KIF12: variants seen among roughly 807,000 people sequenced by gnomAD.
The protein encoded by KIF12 is kinesin family member 12.
A neutral mutation model predicts 87.9 loss-of-function variants in KIF12; 80 were observed. That is an observed-to-expected ratio of 0.91 (90% CI 0.76 to 1.10). The LOEUF (loss-of-function observed/expected upper bound fraction) is 1.10. Ranked by LOEUF, KIF12 falls within the 50% of genes least tolerant of loss-of-function variation. The probability of loss-of-function intolerance (pLI) is 0.00; values close to 1 mark genes in which losing one functional copy is unlikely to be tolerated. For synonymous variants in KIF12, 353 were observed against 348.5 expected (o/e 1.01, Z -0.14); for missense variants, 819 against 865.3 (o/e 0.95, Z 0.67).
intron 14 of KIF12, among the ~76,000 whole-genome samples, 186 bp from the exon 15 acceptor site, chr9:114,093,683 A>C (rs111287360): frequency 0.011 from 1,658 of 152,278 alleles, 30 homozygotes; most frequent in African/African-American, 0.037. Flanking sequence ...ACGACGATGA[A>C]CCCCATCTTA....
rs758168815 is a variant in KIF12 at position 114,095,068 on chromosome 9, A to G, written c.1074T>C (p.Tyr358=). 9.3e-6 allele frequency: 15 copies of G among 1,610,036 alleles called. No individual in the cohort carries two copies. The highest frequency in any genetic ancestry group is 1.2e-5 in the Non-Finnish European group (14 of 1,178,096). The change falls in exon 11 of 19, where the codon TAT becomes TAC. Residue 358 remains tyrosine (Y), a synonymous_variant. Coordinates refer to ENST00000640217, the MANE Select transcript of KIF12 (RefSeq NM_001388308.1). Reference sequence around the variant, plus strand: ...TGGTGACCCGCTGAGCTCGGCTTGCATATCGCAGGGTGCTGAGAGTCTCAG... The same window carrying G: ...TGGTGACCCGCTGAGCTCGGCTTGCGTATCGCAGGGTGCTGAGAGTCTCAG... ...CLPETLSTLR[Y]ASRAQRVTTR...
rs757349225 is a variant in KIF12 at position 114,098,926 on chromosome 9, G to T, written c.171+9C>A. 1.9e-6 allele frequency: 3 copies of T among 1,546,392 alleles called. No individual in the cohort carries two copies. The African/African-American group carries it at 4.1e-5, about 21-fold the overall frequency. On this transcript the variant is annotated intron_variant, in intron 3 of 18. Coordinates refer to ENST00000640217, the MANE Select transcript of KIF12 (RefSeq NM_001388308.1). ...TTTTATTGGGGAGATAGAGAGAGGGGTTCCTCACCTGCAGAGTCCGGGTCC... is the reference window on the plus strand; with the variant it reads ...TTTTATTGGGGAGATAGAGAGAGGGTTTCCTCACCTGCAGAGTCCGGGTCC...
rs556011745 is a variant in KIF12 at position 114,096,030 on chromosome 9, C to T, written c.895+21G>A. On this transcript the variant is annotated intron_variant, in intron 9 of 18. Transcript: ENST00000640217. ...CACAGAGGAGAGACAGGAAATCACA[C>T]CGGTGGCCCCCAGGTCTCACCCAGG... The T allele has an allele frequency of 1.9e-5, 30 of 1,594,522 alleles. No individual in the cohort carries two copies. In the South Asian group the frequency reaches 3.3e-4, roughly 18 times the overall value.
chr9:114,099,035 G>C (rs1438887376), intron 2 of KIF12, 22 bp from the exon 3 acceptor site: 1 of 1,550,392 alleles, frequency 6.4e-7, no homozygotes. Flanking sequence ...CAGAAGGGCA[G>C]ATGGTACATC....
intron 9 of KIF12, among the ~76,000 whole-genome samples, chr9:114,095,748 C>T (rs1465748305): frequency 2.0e-5 from 3 of 152,154 alleles, no homozygotes; most frequent in African/African-American, 7.2e-5. Context: ...TCAGTCTTCC[C>T]AACTGCACAA....
chr9:114,096,449 T>C lies in KIF12; in HGVS notation c.676A>G (p.Thr226Ala). 1 of 1,612,190 alleles carries C rather than the reference T, an allele frequency of 6.2e-7. No homozygotes were observed. The highest frequency in any genetic ancestry group is 8.5e-7 in the Non-Finnish European group (1 of 1,179,354). The change falls in exon 8 of 19, where the codon ACC becomes GCC. Residue 226 changes from threonine to alanine, a missense_variant. Transcript: ENST00000640217. ...CTTCGGCTGGAGGCCTGGTTCAGGG[T>C]GTGGGCTGAGTTCCTTCGACGGCTG... ...GLSRRRNSAH[T>A]LNQASSRSHA...
At position 114,093,920 on chromosome 9, in the gene KIF12, G is replaced by A. The variant is rs774477975; in HGVS notation, c.1366C>T (p.Arg456Cys). 1.1e-5 allele frequency: 18 copies of A among 1,613,972 alleles called. No homozygotes were observed. The highest frequency in any genetic ancestry group is 5.3e-5 in the African/African-American group (4 of 74,906). ...GCATGGACCTGCTGGGCCAGGATGC[G>A]CTGCTCATTCTGGGCCAGGTCTCGG... ...NSRDLAQNEQRILAQQVHALE... is the reference protein window; with the variant it reads ...NSRDLAQNEQCILAQQVHALE... Residue 456 changes from arginine to cysteine, a missense_variant, in exon 14 of 19, where the codon CGC (arginine) becomes TGC (cysteine). By Grantham distance (180) the Arg-to-Cys change is radical. Coordinates refer to ENST00000640217, the MANE Select transcript of KIF12 (RefSeq NM_001388308.1).
In KIF12 at chr9:114,099,152, A is replaced by G. The variant is rs986640241; in HGVS notation, c.44T>C (p.Leu15Pro). 9 of 1,550,598 alleles carry G rather than the reference A, an allele frequency of 5.8e-6. No individual in the cohort carries two copies. Among genetic ancestry groups the G allele is most frequent in the Non-Finnish European group, 7.8e-6 (9 of 1,147,006 alleles). Residue 15 changes from leucine to proline, a missense_variant, in exon 2 of 19, where the codon CTG becomes CCG. Coordinates refer to ENST00000640217, the MANE Select transcript of KIF12 (RefSeq NM_001388308.1). The part of the protein sequence containing the change: ...GSPDGDLARS[L>P]EQGPEGPETP... Reference sequence around the variant, plus strand: ...TTCCGGCCCCTCTGGCCCTTGCTCCAGGCTCCGCGCGAGATCCCTGTGGGC... The same window carrying G: ...TTCCGGCCCCTCTGGCCCTTGCTCCGGGCTCCGCGCGAGATCCCTGTGGGC...
chr9:114,093,901 A>C lies in KIF12; in HGVS notation c.1385T>G (p.Val462Gly), dbSNP rs970143054. The C allele has an allele frequency of 1.2e-6, 2 of 1,613,978 alleles. No individual in the cohort carries two copies. Among genetic ancestry groups the C allele is most frequent in the Non-Finnish European group, 1.7e-6 (2 of 1,179,956 alleles). The part of the protein sequence containing the change: ...QNEQRILAQQ[V>G]HALERRLLSA... ...CTCTGCTTACCTCTCTAGTGCATGG[A>C]CCTGCTGGGCCAGGATGCGCTGCTC... The change falls in exon 14 of 19, where the codon GTC (valine) becomes GGC (glycine). Residue 462 changes from valine to glycine, a missense_variant. Val to Gly is a moderately radical substitution (Grantham distance 109). Coordinates refer to ENST00000640217, the MANE Select transcript of KIF12 (RefSeq NM_001388308.1).
intron 4 of KIF12, 54 bp from the exon 5 acceptor site, chr9:114,098,244 G>C: frequency 2.0e-6 from 3 of 1,523,506 alleles, no homozygotes; most frequent in Non-Finnish European, 2.6e-6. Flanking sequence ...GGTGGGGGCT[G>C]GGGGTGCTTC....
chr9:114,097,309 A>G lies in KIF12; in HGVS notation c.638T>C (p.Leu213Ser). ...CCGCTGTCAGCACACACCCGTTTGC[A>G]AAAGTTCCATCAGGGCCTCCAGACT... Reference protein sequence around the residue: ...FGSLEALMELLQTGLSRRRNS... With the variant: ...FGSLEALMELSQTGLSRRRNS... Residue 213 changes from leucine to serine, a missense_variant, in exon 7 of 19, where the codon TTG (leucine) becomes TCG (serine). By Grantham distance (145) the Leu-to-Ser change is moderately radical. Transcript: ENST00000640217. The G allele has an allele frequency of 1.2e-6, 2 of 1,609,522 alleles. No homozygotes were observed. The highest frequency in any genetic ancestry group is 1.7e-6 in the Non-Finnish European group (2 of 1,178,914).
rs1847007013 is a variant in KIF12 at position 114,091,760 on chromosome 9, A to G, written c.*101T>C. ...CCCCTAGCCCAGCTGCAGGTGGAGT[A>G]GCAGCTGCTGTCTCCATTCAGCAGA... On this transcript the variant is annotated 3_prime_UTR_variant, in exon 19 of 19. Transcript: ENST00000640217. 5.0e-6 allele frequency: 6 copies of G among 1,197,344 alleles called. No individual in the cohort carries two copies. The highest frequency in any genetic ancestry group is 6.9e-6 in the Non-Finnish European group (6 of 874,528). The allele number at this position is 1,197,344 out of a possible 1,614,324, so 74.2% of individuals were successfully genotyped here. A position where few individuals can be genotyped will look rare whatever the true frequency, so the allele number is the denominator to read the frequency against.
chr9:114,097,697 C>A lies in KIF12; in HGVS notation c.420G>T (p.Gln140His). Residue 140 changes from glutamine to histidine, a missense_variant, in exon 6 of 19, where the codon CAG (glutamine) becomes CAT (histidine). Coordinates refer to ENST00000640217, the MANE Select transcript of KIF12 (RefSeq NM_001388308.1). ...GGTCCAACAGCCAGGCGAAGGTCCT[C>A]TGCATGATGCCAGCCAGGCTGGGGG... Reference protein sequence around the residue: ...PVPPSLAGIMQRTFAWLLDRV... With the variant: ...PVPPSLAGIMHRTFAWLLDRV... 1 of 1,614,164 alleles carries A rather than the reference C, an allele frequency of 6.2e-7. No individual in the cohort carries two copies. Among genetic ancestry groups the A allele is most frequent in the Non-Finnish European group, 8.5e-7 (1 of 1,180,034 alleles).
intron 9 of KIF12, 107 bp downstream of exon 9, chr9:114,095,944 A>C: frequency 7.8e-7 from 1 of 1,289,148 alleles, no homozygotes; most frequent in Non-Finnish European, 1.1e-6. Flanking sequence ...CAGCTCTTTA[A>C]CCCTCTTCTA....
Position 114,091,928 on chromosome 9 carries a change from C to T in KIF12, c.1889G>A (p.Arg630His), listed in dbSNP as rs747732995. 46 of 1,612,426 alleles carry T rather than the reference C, an allele frequency of 2.9e-5. No homozygotes were observed. Among genetic ancestry groups the T allele is most frequent in the East Asian group, 8.9e-5 (4 of 44,864 alleles). Reference protein sequence around the residue: ...LRDQIGSSLRRGRSQPPCSEG... With the variant: ...LRDQIGSSLRHGRSQPPCSEG... ...ACTGCAGGGTGGCTGGCTGCGGCCACGTCGCAGGGAGCTGCCAATCTGGTC... is the reference window on the plus strand; with the variant it reads ...ACTGCAGGGTGGCTGGCTGCGGCCATGTCGCAGGGAGCTGCCAATCTGGTC... Residue 630 changes from arginine to histidine, a missense_variant, in exon 19 of 19, where the codon CGT becomes CAT. By Grantham distance (29) the Arg-to-His change is conservative. Transcript: ENST00000640217.
Position 114,099,264 on chromosome 9 carries a change from C to A in KIF12, c.13G>T (p.Gly5Trp), listed in dbSNP as rs1297628772. Residue 5 changes from glycine (G) to tryptophan (W), a missense_variant, in exon 1 of 19, where the codon GGG becomes TGG. Physicochemically the swap from Gly to Trp is radical, Grantham distance 184 (BLOSUM62 -2). Transcript: ENST00000640217. MEERGSPDGDLARSL... is the reference protein window; with the variant it reads MEERWSPDGDLARSL... ...AGATCTGCTTACCCGTCGGGTGACC[C>A]GCGTTCTTCCATGTCCTGCTCTGCA... 1.9e-6 allele frequency: 3 copies of A among 1,551,072 alleles called. No individual in the cohort carries two copies. Among genetic ancestry groups the A allele is most frequent in the East Asian group, 2.4e-5 (1 of 40,920 alleles).
At chr9:114,093,803 G>T in intron 14 of KIF12, 83 bp downstream of exon 14, 1 of 1,217,628 alleles carries the variant, frequency 8.2e-7, no homozygotes, top group Non-Finnish European at 1.2e-6. Flanking sequence ...CCAGAGGCCA[G>T]CCTCAAGCAG....
In KIF12 at chr9:114,093,265, G is replaced by A; in HGVS notation, c.1560C>T (p.His520=). The part of the protein sequence containing the change: ...ICPLCRVPLA[H]WACLPGEHHL... ...GGTGCTCCCCTGGCAGGCAGGCCCA[G>A]TGGGCCAGGGGCACTCGACACAGTG... The change falls in exon 16 of 19, where the codon CAC becomes CAT. Residue 520 remains histidine, a synonymous_variant. Coordinates refer to ENST00000640217, the MANE Select transcript of KIF12 (RefSeq NM_001388308.1). 1 of 1,557,710 alleles carries A rather than the reference G, an allele frequency of 6.4e-7. No individual in the cohort carries two copies. Among genetic ancestry groups the A allele is most frequent in the Non-Finnish European group, 8.7e-7 (1 of 1,149,872 alleles).
Position 114,092,646 on chromosome 9 carries a change from T to C in KIF12, c.1597-4A>G, listed in dbSNP as rs781071534. ...CTGAGGCCTCAGGGTCCAACACCTG[T>C]AGGAAAGACCAGAGTCCACTCTGGG... On this transcript the variant is annotated splice_region_variant and splice_polypyrimidine_tract_variant and intron_variant, in intron 16 of 18. Coordinates refer to ENST00000640217, the MANE Select transcript of KIF12 (RefSeq NM_001388308.1). 3 of 1,581,466 alleles carry C rather than the reference T, an allele frequency of 1.9e-6. No individual in the cohort carries two copies. The African/African-American group carries it at 4.0e-5, about 21-fold the overall frequency.
Sources: gnomAD v4.1 joint callset for allele counts (sites outside exome capture counted in the v4.1 genomes callset) on GRCh38, gnomAD v4.1.1 for gene constraint, MANE v1.5 for transcripts, NCBI Gene and HGNC (gene_info 2026-07-23, HGNC 2026-07-21) for gene names.